Variants in RAD51B observed in about 807,000 individuals in gnomAD.
RAD51B encodes the protein DNA repair protein RAD51 homolog 2.
RAD51B carries 38 observed loss-of-function variants against 42.2 expected under a neutral mutation model. The ratio of observed to expected loss-of-function variants is 0.90; its 90% CI spans 0.70 to 1.18. RAD51B has a LOEUF of 1.18. Among genes scored for constraint, RAD51B ranks in the 50% most tolerant of loss-of-function variants. RAD51B has a pLI of 0.00. For missense variants in RAD51B, 373 were observed against 400.7 expected (o/e 0.93, Z 0.59); for synonymous variants, 154 against 145.2 (o/e 1.06, Z -0.43).
intron 7 of RAD51B, among the ~76,000 whole-genome samples, chr14:68,210,363 A>G (rs17105168): frequency 0.019 from 2,942 of 152,362 alleles, 101 homozygotes; most frequent in African/African-American, 0.067. Flanking sequence ...TGAAGCAAAT[A>G]AAGGTGATCA....
intron 7 of RAD51B, among the ~76,000 whole-genome samples, chr14:68,021,772 G>A (rs934925958): frequency 3.9e-5 from 6 of 152,064 alleles, no homozygotes; most frequent in African/African-American, 1.2e-4. Flanking sequence ...TGCACTGTAC[G>A]GTAGTCTACT....
chr14:67,971,978 T>TTTGTGGGGGCACA (rs1241050235), intron 7 of RAD51B, among the ~76,000 whole-genome samples: 31 of 151,436 alleles, frequency 2.0e-4, no homozygotes, highest in African/African-American at 7.5e-4. Flanking sequence ...TTTCTACCTT[T>TTTGTGGGGGCACA]AACACATATG....
At chr14:68,131,882 C>G (rs2077899626) in intron 7 of RAD51B, among the ~76,000 whole-genome samples, 1 of 152,094 alleles carries the variant, frequency 6.6e-6, no homozygotes. Flanking sequence ...GCTGAGATTA[C>G]TTAGCCTAAA....
downstream of RAD51B, among the ~76,000 whole-genome samples, chr14:68,600,834 T>C (rs539650163): frequency 6.6e-6 from 1 of 152,286 alleles, no homozygotes; most frequent in Admixed American, 6.5e-5. Flanking sequence ...ATCATCTTCT[T>C]AGTGGGCTGT....
At chr14:67,987,626 C>T (rs564713303) in intron 7 of RAD51B, among the ~76,000 whole-genome samples, 3 of 152,164 alleles carry the variant, frequency 2.0e-5, no homozygotes, top group Admixed American at 6.5e-5. Context: ...ATTTAATATA[C>T]AGGTTTTCTT....
intron 7 of RAD51B, among the ~76,000 whole-genome samples, chr14:68,223,134 A>G (rs1178376208): frequency 6.6e-6 from 1 of 152,212 alleles, no homozygotes; most frequent in South Asian, 2.1e-4. Context: ...GAAAATCGTT[A>G]TCTACTCAGT....
intron 4 of RAD51B, among the ~76,000 whole-genome samples, chr14:67,864,382 C>A (rs1418253077): frequency 6.6e-6 from 1 of 152,196 alleles, no homozygotes; most frequent in Non-Finnish European, 1.5e-5. Context: ...CACCTAAACT[C>A]AACAGTTGTT....
At chr14:67,852,718 G>A (rs2041866782) in intron 4 of RAD51B, among the ~76,000 whole-genome samples, 1 of 152,184 alleles carries the variant, frequency 6.6e-6, no homozygotes, top group Non-Finnish European at 1.5e-5. Flanking sequence ...TTGAGTCTTA[G>A]AGGCCGCCTA....
At chr14:68,370,708 T>A (rs4902574) in intron 8 of RAD51B, among the ~76,000 whole-genome samples, 1 of 151,940 alleles carries the variant, frequency 6.6e-6, no homozygotes, top group African/African-American at 2.4e-5. Flanking sequence ...AAGACATTCC[T>A]TACAAAATCT....
intron 8 of RAD51B, among the ~76,000 whole-genome samples, chr14:68,384,047 T>C (rs1256641230): frequency 1.3e-5 from 2 of 152,216 alleles, no homozygotes; most frequent in African/African-American, 4.8e-5. Context: ...CAGGCTTCTT[T>C]GTCAAGATAC....
At chr14:68,510,256 G>C (rs1343617359) in intron 10 of RAD51B, among the ~76,000 whole-genome samples, 4 of 152,200 alleles carry the variant, frequency 2.6e-5, no homozygotes, top group Non-Finnish European at 4.4e-5. Context: ...GATTCATGCA[G>C]ATTAAAATCA....
chr14:68,256,947 C>CT (rs533607907), intron 7 of RAD51B, among the ~76,000 whole-genome samples: 162 of 152,244 alleles, frequency 1.1e-3, no homozygotes, highest in Non-Finnish European at 1.9e-3. Context: ...TATTTTAACA[C>CT]TTTATTTCTG....
At chr14:67,871,470 A>G (rs1175682585) in intron 5 of RAD51B, among the ~76,000 whole-genome samples, 2 of 152,250 alleles carry the variant, frequency 1.3e-5, no homozygotes, top group Non-Finnish European at 2.9e-5. Context: ...AAAAGAGTCC[A>G]GGACTAAATG....
chr14:68,005,879 C>G lies in RAD51B; in HGVS notation c.756+118675C>G, dbSNP rs897761745. 4.6e-5 allele frequency among the ~76,000 whole-genome samples: 7 copies of G among 152,082 alleles called. No homozygotes were observed. In the South Asian group the frequency reaches 1.0e-3, roughly 23 times the overall value. On this transcript the variant is annotated intron_variant, in intron 7 of 10. Transcript: ENST00000471583. ...GGGGAGGCCTCAAGAAACTTTGAAT[C>G]ATGGCAAAAGACAAAGGGGAAGCAG...
At chr14:68,144,068 T>C (rs2140740159) in intron 7 of RAD51B, among the ~76,000 whole-genome samples, 1 of 152,242 alleles carries the variant, frequency 6.6e-6, no homozygotes, top group East Asian at 1.9e-4. Context: ...ATAAAACATA[T>C]TTACCTAATG....
intron 8 of RAD51B, among the ~76,000 whole-genome samples, chr14:68,311,198 A>C (rs1219766866): frequency 6.6e-6 from 1 of 152,222 alleles, no homozygotes; most frequent in East Asian, 1.9e-4. Context: ...GCCATTTGAG[A>C]AGCAGGCAAT....
At chr14:68,035,174 C>T (rs373627559) in intron 7 of RAD51B, among the ~76,000 whole-genome samples, 1 of 152,070 alleles carries the variant, frequency 6.6e-6, no homozygotes, top group East Asian at 1.9e-4. Flanking sequence ...ATTGTTTTAT[C>T]TTATTTACAG....
At chr14:68,533,643 G>A (rs1290354239) in intron 10 of RAD51B, among the ~76,000 whole-genome samples, 1 of 151,948 alleles carries the variant, frequency 6.6e-6, no homozygotes, top group Non-Finnish European at 1.5e-5. Flanking sequence ...GAGATCATCA[G>A]TTGAGAGGGG....
intron 7 of RAD51B, among the ~76,000 whole-genome samples, chr14:67,967,622 A>T (rs1402959397): frequency 1.3e-5 from 2 of 152,176 alleles, no homozygotes; most frequent in Non-Finnish European, 2.9e-5. Context: ...CTCCAAAAAG[A>T]TCTCCTTTGA....
Sources: gnomAD v4.1 joint callset for allele counts (sites outside exome capture counted in the v4.1 genomes callset) on GRCh38, gnomAD v4.1.1 for gene constraint, MANE v1.5 for transcripts, NCBI Gene and HGNC (gene_info 2026-07-23, HGNC 2026-07-21) for gene names.